The following NRXN1 variants were observed in gnomAD, a reference collection of about 807,000 sequenced individuals.
The protein encoded by NRXN1 is neurexin-1.
NRXN1 carries 39 observed loss-of-function variants against 150.9 expected under a neutral mutation model. The observed-to-expected ratio is 0.26, with a 90% confidence interval of 0.20 to 0.34. NRXN1 has a LOEUF of 0.34. Ranked by LOEUF, NRXN1 falls within the 10% of genes least tolerant of loss-of-function variation. The pLI is 1.00. For missense variants in NRXN1, 1,815 were observed against 1,949.9 expected (o/e 0.93, Z 1.30); for synonymous variants, 924 against 757.0 (o/e 1.22, Z -3.62).
intron 17 of NRXN1, among the ~76,000 whole-genome samples, chr2:50,333,114 A>T (rs1408472133): frequency 6.6e-6 from 1 of 152,116 alleles, no homozygotes; most frequent in African/African-American, 2.4e-5. Context: ...ATCCCTGCAG[A>T]ATCATTGATC....
intron 17 of NRXN1, among the ~76,000 whole-genome samples, chr2:50,437,387 G>T (rs1435738164): frequency 6.6e-6 from 1 of 152,178 alleles, no homozygotes; most frequent in Non-Finnish European, 1.5e-5. Context: ...ATCAGGGAAG[G>T]ATCTCGTGTC....
intron 21 of NRXN1, among the ~76,000 whole-genome samples, chr2:50,025,771 T>C (rs1206417664): frequency 1.3e-5 from 2 of 152,214 alleles, no homozygotes; most frequent in Non-Finnish European, 2.9e-5. Flanking sequence ...ATTTTATGCA[T>C]GCTTAAGCAG....
Position 50,219,985 on chromosome 2 carries a change from T to TATTA in NRXN1, c.3546+16803_3546+16804insTAAT, listed in dbSNP as rs374396736. 2.1e-4 allele frequency among the ~76,000 whole-genome samples: 11 copies of TATTA among 51,734 alleles called. 2 individuals carry two copies. The highest frequency in any genetic ancestry group is 3.3e-4 in the African/African-American group (4 of 12,084). 33.9% of individuals were successfully genotyped at this position (51,734 alleles called of 152,430 possible). A position where few individuals can be genotyped will look rare whatever the true frequency, so the allele number is the denominator to read the frequency against. The stretch of plus-strand genomic sequence containing the variant: ...ATATTATATATATATAATATATATA[T>TATTA]TATATATAATATATATTATATAATA... On this transcript the variant is annotated intron_variant, in intron 18 of 22. Transcript: ENST00000401669.
intron 8 of NRXN1, among the ~76,000 whole-genome samples, chr2:50,567,414 A>G (rs957004055): frequency 1.3e-5 from 2 of 152,150 alleles, no homozygotes; most frequent in East Asian, 3.9e-4. Context: ...CAGGGCCAGA[A>G]CTTGGGTGAG....
chr2:50,225,396 A>T (rs1445908465), intron 18 of NRXN1, among the ~76,000 whole-genome samples: 1 of 152,010 alleles, frequency 6.6e-6, no homozygotes, highest in East Asian at 1.9e-4. Flanking sequence ...GTAAAGATAC[A>T]TAGTATTATA....
intron 5 of NRXN1, among the ~76,000 whole-genome samples, chr2:50,720,576 C>A (rs961927150): frequency 8.5e-5 from 13 of 152,140 alleles, no homozygotes; most frequent in African/African-American, 3.1e-4. Context: ...CTGAATTTTT[C>A]TTTCATGGGA....
rs893651799 is a variant in NRXN1, at chr2:50,382,268, C to T, written c.3364+83174G>A. On this transcript the variant is annotated intron_variant, in intron 17 of 22. Coordinates refer to ENST00000401669, the MANE Select transcript of NRXN1 (RefSeq NM_001330078.2). ...ATTTGTTGTTGCTCTGATACTTCCC[C>T]ATTGTATTGATTTATCTTTAAATGC... 2.6e-5 allele frequency among the ~76,000 whole-genome samples: 4 copies of T among 152,214 alleles called. No homozygotes were observed. In the East Asian group the frequency reaches 7.7e-4, roughly 29 times the overall value.
intron 17 of NRXN1, among the ~76,000 whole-genome samples, chr2:50,321,791 C>G (rs2076058115): frequency 6.6e-6 from 1 of 151,900 alleles, no homozygotes; most frequent in African/African-American, 2.4e-5. Context: ...ACATTGCACT[C>G]CATTCTAATA....
chr2:50,202,104 C>T (rs2152834431), intron 18 of NRXN1, among the ~76,000 whole-genome samples: 1 of 152,294 alleles, frequency 6.6e-6, no homozygotes, highest in East Asian at 1.9e-4. Context: ...AGCTACTATG[C>T]CTACTGTACT....
At chr2:50,740,572 A>G (rs1418607914) in intron 5 of NRXN1, among the ~76,000 whole-genome samples, 1 of 152,204 alleles carries the variant, frequency 6.6e-6, no homozygotes, top group Non-Finnish European at 1.5e-5. Context: ...AAAGAGAAAG[A>G]TCACATTTCT....
intron 8 of NRXN1, among the ~76,000 whole-genome samples, chr2:50,562,356 T>C (rs900187742): frequency 6.6e-6 from 1 of 152,060 alleles, no homozygotes; most frequent in South Asian, 2.1e-4. Flanking sequence ...GATAGATAGA[T>C]AGATAGATGA....
At position 50,990,657 on chromosome 2, in the gene NRXN1, G is replaced by A. The variant is rs117681614; in HGVS notation, c.772+36845C>T. ...CATTCTTAATACTTTTCCAGTTTGG[G>A]TTTGGGCCTACATTCATCCTCGAGT... On this transcript the variant is annotated intron_variant, in intron 2 of 22. Coordinates refer to ENST00000401669, the MANE Select transcript of NRXN1 (RefSeq NM_001330078.2). Among the ~76,000 whole-genome samples the A allele has an allele frequency of 1.7e-3, 265 of 151,996 alleles. 2 individuals carry two copies. In the East Asian group the frequency reaches 0.04, roughly 23 times the overall value.
intron 17 of NRXN1, among the ~76,000 whole-genome samples, chr2:50,420,013 G>A (rs1466036262): frequency 6.6e-6 from 1 of 151,974 alleles, no homozygotes; most frequent in African/African-American, 2.4e-5. Flanking sequence ...AAATTAAAGA[G>A]AATGAGACAG....
At chr2:50,981,650 C>A (rs759757850) in intron 2 of NRXN1, among the ~76,000 whole-genome samples, 14 of 151,864 alleles carry the variant, frequency 9.2e-5, no homozygotes, top group Middle Eastern at 3.4e-3. Flanking sequence ...AAAGAACAGT[C>A]TGCTAAAAGA....
chr2:50,537,031 T>C (rs1004021766), intron 10 of NRXN1, among the ~76,000 whole-genome samples: 1 of 152,190 alleles, frequency 6.6e-6, no homozygotes, highest in African/African-American at 2.4e-5. Flanking sequence ...TCTATGTTAC[T>C]ATTAAATATT....
chr2:50,256,777 G>A (rs897193667), intron 17 of NRXN1, among the ~76,000 whole-genome samples: 1 of 151,584 alleles, frequency 6.6e-6, no homozygotes, highest in Non-Finnish European at 1.5e-5. Flanking sequence ...CAAAAATGAT[G>A]TGTGTTTATT....
intron 21 of NRXN1, among the ~76,000 whole-genome samples, chr2:49,969,190 A>C (rs1216181657): frequency 1.3e-5 from 2 of 152,110 alleles, no homozygotes; most frequent in Non-Finnish European, 2.9e-5. Flanking sequence ...AATGTTTTAC[A>C]TAGACACACA....
At chr2:50,634,792 G>A (rs1026554337) in intron 5 of NRXN1, among the ~76,000 whole-genome samples, 2 of 152,068 alleles carry the variant, frequency 1.3e-5, no homozygotes, top group African/African-American at 4.8e-5. Flanking sequence ...AGCTGATGAG[G>A]GGAAGAGAAA....
chr2:50,418,274 G>A (rs2083702879), intron 17 of NRXN1, among the ~76,000 whole-genome samples: 1 of 151,948 alleles, frequency 6.6e-6, no homozygotes, highest in African/African-American at 2.4e-5. Context: ...GGCTCAAAAA[G>A]TTTCACCAAG....
Sources: allele counts gnomAD v4.1 joint callset (sites outside exome capture counted in the v4.1 genomes callset), GRCh38; gene constraint gnomAD v4.1.1; transcripts MANE v1.5; gene names NCBI Gene and HGNC (gene_info 2026-07-23, HGNC 2026-07-21).